The following FRMPD2 variants were observed in gnomAD, a reference collection of about 807,000 sequenced individuals.
FRMPD2 encodes FERM and PDZ domain-containing protein 2.
In FRMPD2, 96 loss-of-function variants were observed where a neutral mutation model predicts 140.1. That is an observed-to-expected ratio of 0.69 (90% confidence interval 0.58 to 0.81). The LOEUF (loss-of-function observed/expected upper bound fraction) is 0.81. Ranked by LOEUF, FRMPD2 falls within the 40% of genes least tolerant of loss-of-function variation. The pLI, the probability that FRMPD2 is intolerant of heterozygous loss-of-function variation, is 0.00. For synonymous variants in FRMPD2, 449 were observed against 547.6 expected (o/e 0.82, Z 2.52); for missense variants, 1,240 against 1,447.4 (o/e 0.86, Z 2.32).
intron 10 of FRMPD2, among the ~76,000 whole-genome samples, chr10:48,226,645 C>A (rs779693084): frequency 2.6e-5 from 4 of 152,212 alleles, no homozygotes; most frequent in Non-Finnish European, 5.9e-5. Context: ...AGGCAACATC[C>A]TTATCTTCAA....
At chr10:48,264,761 T>G (rs1840651793) in intron 1 of FRMPD2, among the ~76,000 whole-genome samples, 1 of 152,122 alleles carries the variant, frequency 6.6e-6, no homozygotes, top group African/African-American at 2.4e-5. Context: ...TCCCAGAAAT[T>G]TATTTTGTGA....
intron 27 of FRMPD2, among the ~76,000 whole-genome samples, chr10:48,164,273 C>T (rs1838034958): frequency 6.6e-6 from 1 of 151,296 alleles, no homozygotes; most frequent in Non-Finnish European, 1.5e-5. Context: ...TTCTCTGATT[C>T]TGGCTGTCTC....
rs761642559 is a variant in FRMPD2 at position 48,222,335 on chromosome 10, T to C, written c.1433A>G (p.Glu478Gly). 2.5e-6 allele frequency: 4 copies of C among 1,613,942 alleles called. No homozygotes were observed. The highest frequency in any genetic ancestry group is 3.4e-6 in the Non-Finnish European group (4 of 1,179,974). ...LQLGVLALQA[E>G]FGNYPKEQVE... ...TACCTCCTTAGGGTAATTGCCAAAC[T>C]CAGCCTGCAAGGCAAGGACCCCCAG... The change falls in exon 12 of 29, where the codon GAG becomes GGG. Residue 478 changes from glutamate (E) to glycine (G), a missense_variant. Coordinates refer to ENST00000374201, the MANE Select transcript of FRMPD2 (RefSeq NM_001018071.4).
intron 1 of FRMPD2, among the ~76,000 whole-genome samples, chr10:48,269,949 G>A (rs968401839): frequency 2.0e-5 from 3 of 152,134 alleles, no homozygotes; most frequent in African/African-American, 7.2e-5. Flanking sequence ...CCCCTCCTCA[G>A]GCCCTGAGTC....
intron 11 of FRMPD2, 47 bp downstream of exon 11, chr10:48,223,076 A>T: frequency 1.3e-6 from 2 of 1,556,686 alleles, no homozygotes; most frequent in Non-Finnish European, 1.8e-6. Context: ...CAGCCTGGAC[A>T]TACATAAATC....
At chr10:48,197,143 G>T (rs1002526793) in intron 15 of FRMPD2, among the ~76,000 whole-genome samples, 2 of 152,068 alleles carry the variant, frequency 1.3e-5, no homozygotes, top group African/African-American at 4.8e-5. Flanking sequence ...ATTATTTTCT[G>T]CATTTGGTTC....
chr10:48,208,798 C>T (rs1839256236), intron 13 of FRMPD2, among the ~76,000 whole-genome samples: 2 of 152,186 alleles, frequency 1.3e-5, no homozygotes, highest in South Asian at 4.2e-4. Context: ...TTTGGGCCAT[C>T]TTACTACAAG....
intron 16 of FRMPD2, among the ~76,000 whole-genome samples, chr10:48,187,613 T>C (rs1429404786): frequency 6.6e-6 from 1 of 152,204 alleles, no homozygotes; most frequent in Non-Finnish European, 1.5e-5. Flanking sequence ...TTTTCAACCA[T>C]AAAATAAGAA....
At chr10:48,185,131 G>A (rs1005929195) in intron 18 of FRMPD2, among the ~76,000 whole-genome samples, 4 of 152,162 alleles carry the variant, frequency 2.6e-5, no homozygotes, top group Non-Finnish European at 5.9e-5. Flanking sequence ...ACTGGATTTT[G>A]CTCCAGTAGA....
intron 3 of FRMPD2, among the ~76,000 whole-genome samples, chr10:48,245,385 T>A (rs929946827): frequency 2.0e-5 from 3 of 152,204 alleles, no homozygotes; most frequent in African/African-American, 7.2e-5. Context: ...TTTTAGGCCT[T>A]CTGTTTCCAT....
intron 1 of FRMPD2, among the ~76,000 whole-genome samples, chr10:48,257,571 T>C (rs1405021372): frequency 2.6e-5 from 4 of 152,176 alleles, no homozygotes; most frequent in Non-Finnish European, 5.9e-5. Flanking sequence ...TGAGTCACCA[T>C]ACCCTGCCAA....
At chr10:48,191,572 G>C (rs1014389283) in intron 16 of FRMPD2, among the ~76,000 whole-genome samples, 1 of 152,250 alleles carries the variant, frequency 6.6e-6, no homozygotes, top group East Asian at 1.9e-4. Context: ...AGAATTGGGG[G>C]CAATAATTAT....
intron 12 of FRMPD2, 100 bp from the exon 13 acceptor site, chr10:48,212,209 C>T (rs910248116): frequency 2.1e-5 from 27 of 1,255,994 alleles, no homozygotes; most frequent in African/African-American, 7.5e-5. Flanking sequence ...TCCAGGAGGG[C>T]GCCAGAGAAA....
chr10:48,172,817 T>G, intron 25 of FRMPD2, 129 bp downstream of exon 25: 1 of 849,806 alleles, frequency 1.2e-6, no homozygotes, highest in Non-Finnish European at 2.0e-6. Flanking sequence ...GATCTCAGCA[T>G]GATCACTATG....
At chr10:48,163,217 C>A in intron 28 of FRMPD2, 111 bp downstream of exon 28, 2 of 591,362 alleles carry the variant, frequency 3.4e-6, no homozygotes, top group Non-Finnish European at 6.2e-6. Context: ...ATGCCTGGAA[C>A]AGTGCTGGGC....
chr10:48,230,549 A>G (rs1037561822), intron 10 of FRMPD2, among the ~76,000 whole-genome samples: 1 of 152,256 alleles, frequency 6.6e-6, no homozygotes, highest in African/African-American at 2.4e-5. Flanking sequence ...CTTATGCATC[A>G]AGGCCAAACT....
At chr10:48,191,688 C>A (rs934099090) in intron 16 of FRMPD2, among the ~76,000 whole-genome samples, 10 of 152,176 alleles carry the variant, frequency 6.6e-5, no homozygotes, top group Non-Finnish European at 1.5e-4. Context: ...CCCAAAAAAA[C>A]AGCTCCTGCA....
intron 10 of FRMPD2, among the ~76,000 whole-genome samples, chr10:48,231,268 G>C (rs941591401): frequency 3.9e-5 from 6 of 152,198 alleles, no homozygotes; most frequent in African/African-American, 1.4e-4. Flanking sequence ...GAGGCCATAA[G>C]GGAGGGTCAC....
intron 6 of FRMPD2, 50 bp downstream of exon 6, chr10:48,240,310 A>G (rs768524480): frequency 1.3e-6 from 2 of 1,587,310 alleles, no homozygotes; most frequent in South Asian, 1.1e-5. Flanking sequence ...AGGAAAAAAT[A>G]GAATGGGTAC....
Sources: gnomAD v4.1 joint callset for allele counts (sites outside exome capture counted in the v4.1 genomes callset) on GRCh38, gnomAD v4.1.1 for gene constraint, MANE v1.5 for transcripts, NCBI Gene and HGNC (gene_info 2026-07-23, HGNC 2026-07-21) for gene names.